TSHR: variants seen among roughly 807,000 people sequenced by gnomAD.
TSHR encodes the protein thyroid stimulating hormone receptor.
TSHR carries 51 observed loss-of-function variants against 64.1 expected under a neutral mutation model. That is an observed-to-expected ratio of 0.80 (90% CI 0.64 to 1.01). The LOEUF is 1.01. Ranked by LOEUF, TSHR falls within the 50% of genes least tolerant of loss-of-function variation. TSHR has a pLI of 0.00. For missense variants in TSHR, 877 were observed against 942.8 expected (o/e 0.93, Z 0.91); for synonymous variants, 361 against 361.9 (o/e 1.00, Z 0.03).
At chr14:81,104,924 T>G in intron 7 of TSHR, 1 of 985,436 alleles carries the variant, frequency 1.0e-6, no homozygotes, top group Non-Finnish European at 1.2e-6. Context: ...TCTATCTTAT[T>G]TTTAAAGGAA....
At chr14:80,957,363 T>G (rs753645977) in intron 1 of TSHR, among the ~76,000 whole-genome samples, 12 of 152,110 alleles carry the variant, frequency 7.9e-5, no homozygotes, top group Non-Finnish European at 1.5e-4. Flanking sequence ...TGTTATTTAT[T>G]TGCATGCCCA....
Position 81,087,749 on chromosome 14 carries a change from C to G in TSHR, c.318-205C>G, listed in dbSNP as rs1888390004. 4.8e-6 allele frequency: 3 copies of G among 622,826 alleles called. No individual in the cohort carries two copies. In the Admixed American group the frequency reaches 7.1e-5, roughly 15 times the overall value. 38.6% of individuals were successfully genotyped at this position (622,826 alleles called of 1,614,324 possible). A position where few individuals can be genotyped will look rare whatever the true frequency, so the allele number is the denominator to read the frequency against. ...AAACCAAGCCAACAATGCAAAAGAG[C>G]TGAGCAGCCATTGGGTCCCCGTGAG... On this transcript the variant is annotated intron_variant, in intron 3 of 9. Transcript: ENST00000298171.
chr14:81,126,901 C>T (rs1185207621), intron 8 of TSHR, among the ~76,000 whole-genome samples: 1 of 152,224 alleles, frequency 6.6e-6, no homozygotes, highest in Admixed American at 6.5e-5. Flanking sequence ...GACTTCTCCA[C>T]ACACTCTTCT....
intron 8 of TSHR, among the ~76,000 whole-genome samples, chr14:81,116,675 G>A (rs1254978742): frequency 6.8e-6 from 1 of 146,166 alleles, no homozygotes; most frequent in Non-Finnish European, 1.5e-5. Context: ...TCTGCACCAA[G>A]CGGACCTAAT....
intron 8 of TSHR, among the ~76,000 whole-genome samples, chr14:81,112,515 G>A (rs1339058802): frequency 6.6e-6 from 1 of 152,096 alleles, no homozygotes; most frequent in East Asian, 1.9e-4. Context: ...TCATACCTTA[G>A]CTCTTATTTG....
intron 1 of TSHR, among the ~76,000 whole-genome samples, chr14:80,977,264 C>T (rs1887929697): frequency 6.6e-6 from 1 of 152,206 alleles, no homozygotes; most frequent in African/African-American, 2.4e-5. Context: ...TGTTTACTAC[C>T]ATGACAATAA....
rs1891541826 is a variant in TSHR, at chr14:81,138,393, GT to G, written c.693-1284del. On this transcript the variant is annotated intron_variant, in intron 8 of 9. Coordinates refer to ENST00000298171, the MANE Select transcript of TSHR (RefSeq NM_000369.5). ...TTTAGTAGAGATGGGGTTTCACTAT[GT>G]TGGCCATGCTGGTCTTGAACTCCTG... Among the ~76,000 whole-genome samples the G allele has an allele frequency of 2.0e-5, 3 of 151,806 alleles. 1 individual carries two copies. The South Asian group carries it at 6.2e-4, about 32-fold the overall frequency.
At position 81,143,923 on chromosome 14, in the gene TSHR, T is replaced by C; in HGVS notation, c.1865T>C (p.Ile622Thr). Reference sequence around the variant, plus strand: ...AACCCAGGGGACAAAGATACCAAAATTGCCAAGAGGATGGCTGTGTTGATC... The same window carrying C: ...AACCCAGGGGACAAAGATACCAAAACTGCCAAGAGGATGGCTGTGTTGATC... ...QYNPGDKDTK[I>T]AKRMAVLIFT... The change falls in exon 10 of 10, where the codon ATT (isoleucine) becomes ACT (threonine). Residue 622 changes from isoleucine (I) to threonine (T), a missense_variant. By Grantham distance (89) the Ile-to-Thr change is moderately conservative. Coordinates refer to ENST00000298171, the MANE Select transcript of TSHR (RefSeq NM_000369.5). 1 of 1,614,206 alleles carries C rather than the reference T, an allele frequency of 6.2e-7. No homozygotes were observed. Among genetic ancestry groups the C allele is most frequent in the African/African-American group, 1.3e-5 (1 of 75,066 alleles).
intron 8 of TSHR, among the ~76,000 whole-genome samples, chr14:81,115,308 G>T (rs1042536511): frequency 6.6e-6 from 1 of 150,850 alleles, no homozygotes; most frequent in Non-Finnish European, 1.5e-5. Flanking sequence ...TGTATAACGA[G>T]AATAACCAAT....
At chr14:81,054,525 A>G (rs1163176748) in intron 1 of TSHR, among the ~76,000 whole-genome samples, 1 of 152,208 alleles carries the variant, frequency 6.6e-6, no homozygotes, top group Non-Finnish European at 1.5e-5. Context: ...GGAACTTCCT[A>G]GAGACTTGTT....
intron 8 of TSHR, among the ~76,000 whole-genome samples, chr14:81,122,860 C>T (rs932411200): frequency 2.0e-5 from 3 of 152,118 alleles, no homozygotes; most frequent in Admixed American, 6.6e-5. Flanking sequence ...CGTGGTGGCT[C>T]AGGCCTGTAA....
Position 81,103,152 on chromosome 14 carries a change from G to T in TSHR, c.615-5223G>T. The T allele has an allele frequency of 1.0e-6, 1 of 985,414 alleles. No individual in the cohort carries two copies. 61.0% of individuals were successfully genotyped at this position (985,414 alleles called of 1,614,324 possible). ...GGAAGACAAGGATTGAGCTATAGGT[G>T]AAGGAAAGAAAGGTCAAGGTTCCAT... On this transcript the variant is annotated intron_variant, in intron 7 of 9. Transcript: ENST00000298171. This position sits in a 1 kb window ranked among gnomAD's most constrained non-coding sequence, Gnocchi z 4.1.
chr14:81,128,037 G>T (rs192907565), intron 8 of TSHR, among the ~76,000 whole-genome samples: 2 of 152,106 alleles, frequency 1.3e-5, no homozygotes, highest in East Asian at 1.9e-4. Flanking sequence ...AATAGTAAAC[G>T]CTGAAAGATT....
In TSHR at chr14:81,143,861, T is replaced by C. The variant is rs759300253; in HGVS notation, c.1803T>C (p.Tyr601=). The change falls in exon 10 of 10, where the codon TAT becomes TAC. Residue 601 remains tyrosine, a synonymous_variant. Transcript: ENST00000298171. ...CCTTCGTCATCGTCTGCTGCTGTTA[T>C]GTGAAGATCTACATCACAGTCCGAA... ...IVAFVIVCCC[Y]VKIYITVRNP... 2 of 1,614,026 alleles carry C rather than the reference T, an allele frequency of 1.2e-6. No homozygotes were observed. Among genetic ancestry groups the C allele is most frequent in the Admixed American group, 1.7e-5 (1 of 60,008 alleles).
chr14:81,009,465 A>G (rs117772408), intron 1 of TSHR, among the ~76,000 whole-genome samples: 53 of 152,278 alleles, frequency 3.5e-4, no homozygotes, highest in Non-Finnish European at 7.2e-4. Context: ...ATAAAACATC[A>G]TACTGGAGTT....
chr14:81,020,982 T>C (rs561592719), intron 1 of TSHR, among the ~76,000 whole-genome samples: 1 of 151,740 alleles, frequency 6.6e-6, no homozygotes, highest in South Asian at 2.1e-4. Context: ...TGGGTGTCAC[T>C]GTCTCCCATC....
At chr14:81,059,753 T>TA (rs766525758) in intron 1 of TSHR, among the ~76,000 whole-genome samples, 29 of 152,072 alleles carry the variant, frequency 1.9e-4, no homozygotes, top group Admixed American at 3.9e-4. Context: ...CTTTCTTTGG[T>TA]AAAAAAAATC....
intron 1 of TSHR, among the ~76,000 whole-genome samples, chr14:80,966,914 C>T (rs1420566945): frequency 1.3e-5 from 2 of 152,142 alleles, no homozygotes; most frequent in African/African-American, 4.8e-5. Context: ...GCCAAGCTCA[C>T]CTCTCTTGTG....
At chr14:81,052,584 C>T (rs1019659045) in intron 1 of TSHR, 2 of 152,110 alleles carry the variant, frequency 1.3e-5, no homozygotes, top group Non-Finnish European at 2.9e-5. Flanking sequence ...TGAAAAATGA[C>T]ATTGGAATTT....
Sources: gnomAD v4.1 joint callset for allele counts (sites outside exome capture counted in the v4.1 genomes callset) on GRCh38, gnomAD v4.1.1 for gene constraint, Gnocchi (gnomAD v3.1) non-coding constraint, MANE v1.5 for transcripts, NCBI Gene and HGNC (gene_info 2026-07-23, HGNC 2026-07-21) for gene names.